FAM177A1: variants seen among roughly 807,000 people sequenced by gnomAD.
FAM177A1 encodes the protein protein FAM177A1.
FAM177A1 carries 22 observed loss-of-function variants against 26.1 expected under a neutral mutation model. That is an observed-to-expected ratio of 0.84 (90% confidence interval 0.60 to 1.20). The LOEUF (loss-of-function observed/expected upper bound fraction) is 1.20. Ranked by LOEUF, FAM177A1 falls within the 50% of genes most tolerant of loss-of-function variation. The pLI, the probability that FAM177A1 is intolerant of heterozygous loss-of-function variation, is 0.00. For synonymous variants in FAM177A1, 95 were observed against 99.3 expected (o/e 0.96, Z 0.26); for missense variants, 296 against 291.1 (o/e 1.02, Z -0.12).
chr14:35,078,842 T>TGTATTCCTACAGTGTCTTACA, intron 3 of FAM177A1, 85 bp from the exon 4 acceptor site: 1 of 860,846 alleles, frequency 1.2e-6, no homozygotes, highest in Admixed American at 3.4e-5. Flanking sequence ...CAGTAACTCT[T>TGTATTCCTACAGTGTCTTACA]GTATTCCTAC....
chr14:35,065,032 T>A (rs1220649195), intron 2 of FAM177A1, among the ~76,000 whole-genome samples: 4 of 152,052 alleles, frequency 2.6e-5, no homozygotes, highest in Admixed American at 1.3e-4. Context: ...TAATTTTTTA[T>A]GTACGCTCAT....
At chr14:35,064,047 C>CA (rs575915029) in intron 2 of FAM177A1, among the ~76,000 whole-genome samples, 6,237 of 78,964 alleles carry the variant, frequency 0.079, 278 homozygotes, top group Admixed American at 0.19. Flanking sequence ...GACTCTGTCT[C>CA]AAAAAAAAAA....
At chr14:35,064,101 CA>C (rs1351924311) in intron 2 of FAM177A1, among the ~76,000 whole-genome samples, 1 of 142,144 alleles carries the variant, frequency 7.0e-6, no homozygotes, top group African/African-American at 2.6e-5. Context: ...TTTAAGAGTG[CA>C]ATGGGCCAGG....
At chr14:35,068,668 T>C (rs1341749260) in intron 2 of FAM177A1, among the ~76,000 whole-genome samples, 1 of 152,222 alleles carries the variant, frequency 6.6e-6, no homozygotes, top group African/African-American at 2.4e-5. Flanking sequence ...CAGTAACTGC[T>C]CTCTCTTTTT....
At chr14:35,051,212 C>T (rs1055891015) in intron 1 of FAM177A1, among the ~76,000 whole-genome samples, 62 of 152,002 alleles carry the variant, frequency 4.1e-4, no homozygotes, top group Non-Finnish European at 5.6e-4. Context: ...CGCCACCTCC[C>T]GGGTTTAAGT....
chr14:35,069,289 T>G lies in FAM177A1; in HGVS notation c.340-7861T>G, dbSNP rs566292889. 3.9e-3 allele frequency among the ~76,000 whole-genome samples: 590 copies of G among 151,530 alleles called. 6 individuals are homozygous for G. The highest frequency in any genetic ancestry group is 0.024 in the Middle Eastern group (7 of 294). ...AATGCTTATCCATTGGAGTAGGTTT[T>G]TTTTTTTTTTTTTGAGACAGAGTTT... On this transcript the variant is annotated intron_variant, in intron 2 of 4. Transcript: ENST00000280987.
At chr14:35,045,199 T>C (rs1595030591), upstream of FAM177A1, 1 of 152,230 alleles carries the variant, frequency 6.6e-6, no homozygotes. Context: ...GATCAGGTAC[T>C]AACTTGTTTA....
At chr14:35,065,177 C>CTT (rs540285544) in intron 2 of FAM177A1, among the ~76,000 whole-genome samples, 2 of 143,904 alleles carry the variant, frequency 1.4e-5, no homozygotes, top group Non-Finnish European at 1.5e-5. Flanking sequence ...TGGAGGGAAA[C>CTT]TTTTTTTTTT....
chr14:35,069,027 A>G (rs1258805650), intron 2 of FAM177A1, among the ~76,000 whole-genome samples: 1 of 152,168 alleles, frequency 6.6e-6, no homozygotes, highest in Non-Finnish European at 1.5e-5. Flanking sequence ...ATTGTTTCCA[A>G]CACACGTTTT....
chr14:35,053,498 TTTA>T lies in FAM177A1; in HGVS notation c.339+50_339+52del, dbSNP rs567007235. The T allele has an allele frequency of 6.1e-5, 97 of 1,588,206 alleles. No homozygotes were observed. In the East Asian group the frequency reaches 2.1e-3, roughly 35 times the overall value. On this transcript the variant is annotated intron_variant, in intron 2 of 4. Transcript: ENST00000280987. Reference sequence around the variant, plus strand: ...CTTTCCTCAGTGGGCTTTGTTTTGATTTATTTTTTTTCCCTAAACATTGAGTGG... The same window carrying T: ...CTTTCCTCAGTGGGCTTTGTTTTGATTTTTTTTTCCCTAAACATTGAGTGG...
At chr14:35,079,377 AGTG>A (rs1429080434) in intron 4 of FAM177A1, among the ~76,000 whole-genome samples, 1 of 152,224 alleles carries the variant, frequency 6.6e-6, no homozygotes, top group Non-Finnish European at 1.5e-5. Context: ...ATATAGGAAA[AGTG>A]GAGTGGGTTT....
intron 2 of FAM177A1, among the ~76,000 whole-genome samples, chr14:35,072,844 C>T (rs2045343140): frequency 6.6e-6 from 1 of 152,050 alleles, no homozygotes; most frequent in Non-Finnish European, 1.5e-5. Flanking sequence ...AACGCTCCAC[C>T]CTCCACCCCC....
intron 1 of FAM177A1, among the ~76,000 whole-genome samples, chr14:35,052,302 T>C (rs1280851192): frequency 1.3e-5 from 2 of 151,746 alleles, no homozygotes; most frequent in Non-Finnish European, 2.9e-5. Context: ...TGGAGTGCAG[T>C]GGCGCGCCTT....
At chr14:35,054,992 T>TAAAAAAA (rs1566667850) in intron 2 of FAM177A1, 1 of 147,094 alleles carries the variant, frequency 6.8e-6, no homozygotes, top group African/African-American at 2.5e-5. Context: ...AATAAAAAAA[T>TAAAAAAA]AAAAAATAAA....
rs537791034 is a variant in FAM177A1, at chr14:35,046,359, C to T, written c.-105C>T. 3 of 1,314,292 alleles carry T rather than the reference C, an allele frequency of 2.3e-6. No homozygotes were observed. Among genetic ancestry groups the T allele is most frequent in the Non-Finnish European group, 3.0e-6 (3 of 1,002,962 alleles). The allele number at this position is 1,314,292 out of a possible 1,614,324, so 81.4% of individuals were successfully genotyped here. A position where few individuals can be genotyped will look rare whatever the true frequency, so the allele number is the denominator to read the frequency against. ...CCCCGCCCCTCAGGCCGGCGAGTCC[C>T]CTTCTCAGAGACTTGGCTAGGCGCG... On this transcript the variant is annotated 5_prime_UTR_variant, in exon 1 of 5. Coordinates refer to ENST00000280987, the MANE Select transcript of FAM177A1 (RefSeq NM_173607.5).
chr14:35,048,992 G>T (rs535453386), intron 1 of FAM177A1, among the ~76,000 whole-genome samples: 24 of 151,430 alleles, frequency 1.6e-4, no homozygotes, highest in Non-Finnish European at 3.2e-4. Context: ...CCGGGTTCAC[G>T]CAATTCTCTT....
At chr14:35,064,682 G>C (rs8007346) in intron 2 of FAM177A1, among the ~76,000 whole-genome samples, 24,391 of 151,556 alleles carry the variant, frequency 0.16, 2,153 homozygotes, top group African/African-American at 0.22. Context: ...ATGGAATCTT[G>C]CTCTGTTGTC....
chr14:35,078,903 G>A (rs1200799065), intron 3 of FAM177A1, 24 bp from the exon 4 acceptor site: 2 of 1,480,320 alleles, frequency 1.4e-6, no homozygotes, highest in Admixed American at 2.7e-5. Context: ...AATTATATAA[G>A]TCTTTTAACT....
At chr14:35,074,395 G>A (rs1327356412) in intron 2 of FAM177A1, among the ~76,000 whole-genome samples, 2 of 151,968 alleles carry the variant, frequency 1.3e-5, no homozygotes, top group Non-Finnish European at 2.9e-5. Flanking sequence ...GCTCAATCTC[G>A]GCTCACTGCA....
Sources: gnomAD v4.1 joint callset for allele counts (sites outside exome capture counted in the v4.1 genomes callset) on GRCh38, gnomAD v4.1.1 for gene constraint, MANE v1.5 for transcripts, NCBI Gene and HGNC (gene_info 2026-07-23, HGNC 2026-07-21) for gene names.